Variants in NCKAP5 observed in about 807,000 individuals in gnomAD.
NCKAP5 encodes the protein NCK associated protein 5.
Under a neutral mutation model 167.0 loss-of-function variants are expected in NCKAP5, and 92 were observed. The observed-to-expected ratio is 0.55, with a 90% CI of 0.47 to 0.66. NCKAP5 has a LOEUF of 0.66. Ranked by LOEUF, NCKAP5 falls within the 30% of genes least tolerant of loss-of-function variation. NCKAP5 has a pLI of 0.00. For synonymous variants in NCKAP5, 891 were observed against 877.4 expected, an observed-to-expected ratio of 1.02 and a Z score of -0.27; for missense variants, 2,378 against 2,315.0, an observed-to-expected ratio of 1.03 and a Z score of -0.56.
rs182730100 is a variant in NCKAP5, at chr2:132,862,815, A to C, written c.688-2204T>G. On this transcript the variant is annotated intron_variant, in intron 10 of 19. Transcript: ENST00000409261. ...CAAAGGTGAAACTTTCTTTATTTTT[A>C]TTTATTTTATTTTATTTTATTTTGA... is the stretch of plus-strand genomic sequence containing the variant. Among the ~76,000 whole-genome samples, 45 of 150,406 alleles carry C rather than the reference A, an allele frequency of 3.0e-4. 1 individual carries two copies. The East Asian group carries it at 4.3e-3, about 14-fold the overall frequency.
At chr2:133,407,908 T>C (rs945131205) in intron 3 of NCKAP5, among the ~76,000 whole-genome samples, 25 of 152,110 alleles carry the variant, frequency 1.6e-4, no homozygotes, top group Admixed American at 1.3e-3. Flanking sequence ...GTAGAACAGA[T>C]AGGAAAGTCT....
intron 6 of NCKAP5, among the ~76,000 whole-genome samples, chr2:133,049,146 C>T (rs2079512192): frequency 6.6e-6 from 1 of 152,180 alleles, no homozygotes; most frequent in Non-Finnish European, 1.5e-5. Flanking sequence ...ATTTTAACAA[C>T]TAAATGACTG....
intron 19 of NCKAP5, among the ~76,000 whole-genome samples, chr2:132,713,713 CA>C (rs35056660): frequency 0.11 from 2,899 of 25,360 alleles, 85 homozygotes; most frequent in African/African-American, 0.24. Context: ...AAGGGCCAAA[CA>C]AAAAAAAAAA....
intron 3 of NCKAP5, among the ~76,000 whole-genome samples, chr2:133,434,459 C>T (rs1690344762): frequency 6.6e-6 from 1 of 152,230 alleles, no homozygotes. Flanking sequence ...AGGGCCTGGT[C>T]AAATCCCAGT....
intron 3 of NCKAP5, among the ~76,000 whole-genome samples, chr2:133,321,639 C>T (rs1232616123): frequency 4.6e-5 from 7 of 152,218 alleles, no homozygotes; most frequent in Non-Finnish European, 7.4e-5. Context: ...AAGAGAAAAG[C>T]GGGAAATGAA....
intron 2 of NCKAP5, among the ~76,000 whole-genome samples, chr2:133,548,071 C>G (rs1330596412): frequency 1.4e-5 from 2 of 146,374 alleles, no homozygotes; most frequent in Non-Finnish European, 3.0e-5. Flanking sequence ...TTGAGAACTA[C>G]GTGAAGAATG....
chr2:133,003,026 T>G (rs2077841108), intron 6 of NCKAP5, among the ~76,000 whole-genome samples: 1 of 152,308 alleles, frequency 6.6e-6, no homozygotes, highest in Admixed American at 6.5e-5. Context: ...AATATCTAAC[T>G]GTTCTTTTTG....
At chr2:133,517,029 A>G (rs1425768939) in intron 3 of NCKAP5, among the ~76,000 whole-genome samples, 1 of 152,244 alleles carries the variant, frequency 6.6e-6, no homozygotes, top group Non-Finnish European at 1.5e-5. Flanking sequence ...ACTAATGCAC[A>G]TACCTAAGAA....
chr2:132,812,759 A>G (rs764653526), intron 11 of NCKAP5, among the ~76,000 whole-genome samples: 7 of 152,208 alleles, frequency 4.6e-5, no homozygotes, highest in Admixed American at 3.3e-4. Flanking sequence ...CTCATAAACA[A>G]TAGAAATGTA....
rs779024315 is a variant in NCKAP5, at chr2:132,878,830, C to G, written c.648+18G>C. 4 of 1,599,754 alleles carry G rather than the reference C, an allele frequency of 2.5e-6. No individual in the cohort carries two copies. The Admixed American group carries it at 6.7e-5, about 27-fold the overall frequency. On this transcript the variant is annotated intron_variant, in intron 9 of 19. Coordinates refer to ENST00000409261, the MANE Select transcript of NCKAP5 (RefSeq NM_207363.3). ...AACTAGTCCAGCCTTGGATCAGGAG[C>G]CTCTCCATCCCCCTTACCTCATCAA...
chr2:132,754,222 C>G (rs1219313343), intron 16 of NCKAP5, among the ~76,000 whole-genome samples: 2 of 152,194 alleles, frequency 1.3e-5, no homozygotes, highest in African/African-American at 4.8e-5. Flanking sequence ...TTTCTCTTCT[C>G]TGTCTGACTT....
At chr2:132,868,176 A>G (rs1690507494) in intron 10 of NCKAP5, among the ~76,000 whole-genome samples, 1 of 152,196 alleles carries the variant, frequency 6.6e-6, no homozygotes, top group African/African-American at 2.4e-5. Flanking sequence ...AGAAGTCTCT[A>G]TTTCACAGAT....
chr2:133,541,259 C>G (rs1383492256), intron 2 of NCKAP5, among the ~76,000 whole-genome samples: 1 of 144,570 alleles, frequency 6.9e-6, no homozygotes, highest in Non-Finnish European at 1.5e-5. Context: ...TTTGTTAAAA[C>G]TTTTAATTGA....
intron 19 of NCKAP5, among the ~76,000 whole-genome samples, chr2:132,699,962 C>A (rs77272498): frequency 0.087 from 13,201 of 152,240 alleles, 1,791 homozygotes; most frequent in African/African-American, 0.29. Context: ...TAAAAGTGTT[C>A]CTATTTCTCC....
chr2:133,434,705 A>G (rs913389427), intron 3 of NCKAP5, among the ~76,000 whole-genome samples: 2 of 152,256 alleles, frequency 1.3e-5, no homozygotes, highest in African/African-American at 4.8e-5. Context: ...TGTACTGCCC[A>G]GTACCCAACA....
chr2:132,780,344 G>T (rs1682922864), intron 15 of NCKAP5, among the ~76,000 whole-genome samples: 3 of 152,078 alleles, frequency 2.0e-5, no homozygotes, highest in African/African-American at 7.2e-5. Context: ...TAGAGACGGG[G>T]TTTCACCGTG....
At chr2:133,554,597 T>A (rs1687606876) in intron 2 of NCKAP5, among the ~76,000 whole-genome samples, 1 of 152,140 alleles carries the variant, frequency 6.6e-6, no homozygotes, top group Non-Finnish European at 1.5e-5. Flanking sequence ...CTATTAGAAA[T>A]CATGAAATAC....
At position 133,208,736 on chromosome 2, in the gene NCKAP5, C is replaced by A. The variant is rs561905812; in HGVS notation, c.207+4980G>T. 8.5e-5 allele frequency among the ~76,000 whole-genome samples: 13 copies of A among 152,236 alleles called. No homozygotes were observed. In the South Asian group the frequency reaches 2.7e-3, roughly 32 times the overall value. ...GTGTACCATGCTAATGCAAAGTATT[C>A]ATAATAGAGAAAACTGGGTAGAAGA... On this transcript the variant is annotated intron_variant, in intron 5 of 19. Coordinates refer to ENST00000409261, the MANE Select transcript of NCKAP5 (RefSeq NM_207363.3).
the NCKAP5 span, among the ~76,000 whole-genome samples, chr2:133,599,485 T>C: frequency 7.2e-4 from 110 of 152,280 alleles, no homozygotes; most frequent in Middle Eastern, 3.4e-3. Flanking sequence ...GGAGTCTGGC[T>C]TGGCAGCATA....
Sources: gnomAD v4.1 joint callset for allele counts (sites outside exome capture counted in the v4.1 genomes callset) on GRCh38, gnomAD v4.1.1 for gene constraint, MANE v1.5 for transcripts, NCBI Gene and HGNC (gene_info 2026-07-23, HGNC 2026-07-21) for gene names.